The following METTL22 variants were observed in gnomAD, a reference collection of about 807,000 sequenced individuals.
METTL22 encodes methyltransferase-like protein 22.
In METTL22, 51 loss-of-function variants were observed where a neutral mutation model predicts 48.4. That is an observed-to-expected ratio of 1.05 (90% CI 0.84 to 1.33). METTL22 has a LOEUF of 1.33. METTL22 is among the 40% of genes most tolerant of loss of function. The probability of loss-of-function intolerance (pLI) is 0.00; values close to 1 mark genes in which losing one functional copy is unlikely to be tolerated. For missense variants in METTL22, 678 were observed against 526.9 expected (o/e 1.29, Z -2.81); for synonymous variants, 255 against 214.1 (o/e 1.19, Z -1.67).
intron 9 of METTL22, 84 bp from the exon 10 acceptor site, chr16:8,644,473 G>T: frequency 7.3e-7 from 1 of 1,375,758 alleles, no homozygotes; most frequent in Admixed American, 2.2e-5. Flanking sequence ...GATCAGTGAG[G>T]GATAGGAAAG....
At chr16:8,628,502 C>T (rs902285281) in intron 2 of METTL22, among the ~76,000 whole-genome samples, 3 of 151,878 alleles carry the variant, frequency 2.0e-5, no homozygotes, top group African/African-American at 4.8e-5. Flanking sequence ...GAGCCAAGTG[C>T]CTCATAGATT....
the METTL22 span, among the ~76,000 whole-genome samples, chr16:8,661,540 G>A: frequency 2.9e-5 from 4 of 139,906 alleles, no homozygotes; most frequent in Admixed American, 7.4e-5. Context: ...CAGCTACTGC[G>A]GAGGCTGAGG....
intron 2 of METTL22, among the ~76,000 whole-genome samples, chr16:8,628,369 C>T (rs554804212): frequency 1.3e-5 from 2 of 152,300 alleles, no homozygotes; most frequent in Non-Finnish European, 2.9e-5. Flanking sequence ...GGCCCCTGAG[C>T]TCATTCCTAA....
At chr16:8,664,453 A>T in the METTL22 span, among the ~76,000 whole-genome samples, 1 of 151,034 alleles carries the variant, frequency 6.6e-6, no homozygotes, top group Non-Finnish European at 1.5e-5. Flanking sequence ...CCTACATTTT[A>T]TTTATGTATT....
At chr16:8,624,801 G>T (rs2055988149) in intron 1 of METTL22, among the ~76,000 whole-genome samples, 1 of 152,150 alleles carries the variant, frequency 6.6e-6, no homozygotes, top group South Asian at 2.1e-4. Context: ...TGAGGCTGCA[G>T]TGAGCCATGA....
At chr16:8,665,149 T>A in the METTL22 span, among the ~76,000 whole-genome samples, 5,722 of 27,962 alleles carry the variant, frequency 0.2, 352 homozygotes, top group African/African-American at 0.3. Flanking sequence ...ACAAAAAAAG[T>A]AATAATAATA....
At chr16:8,630,711 G>A (rs1471411032) in intron 3 of METTL22, among the ~76,000 whole-genome samples, 2 of 152,162 alleles carry the variant, frequency 1.3e-5, no homozygotes, top group Non-Finnish European at 2.9e-5. Context: ...GCTGGCCTGT[G>A]ACCAGCTTCC....
chr16:8,643,866 G>A (rs954776148), intron 9 of METTL22, among the ~76,000 whole-genome samples: 9 of 152,038 alleles, frequency 5.9e-5, no homozygotes, highest in Admixed American at 1.3e-4. Context: ...TGCCCTCCTC[G>A]GCCTCCCACA....
intron 5 of METTL22, 95 bp downstream of exon 5, chr16:8,635,407 G>A (rs2056394311): frequency 2.8e-6 from 4 of 1,403,736 alleles, no homozygotes; most frequent in Non-Finnish European, 3.8e-6. Context: ...CTGGAAATTG[G>A]ATGTTAGCTG....
chr16:8,625,879 G>A, intron 2 of METTL22, 81 bp downstream of exon 2: 2 of 1,546,384 alleles, frequency 1.3e-6, no homozygotes, highest in Non-Finnish European at 1.8e-6. Flanking sequence ...GGAAAATATT[G>A]GGAAGACTGG....
chr16:8,658,380 A>G, the METTL22 span, among the ~76,000 whole-genome samples: 1 of 152,210 alleles, frequency 6.6e-6, no homozygotes, highest in African/African-American at 2.4e-5. Flanking sequence ...ATTTGTTACC[A>G]AAGCAAACTC....
intron 8 of METTL22, 80 bp from the exon 9 acceptor site, chr16:8,642,383 C>G: frequency 7.3e-7 from 1 of 1,371,600 alleles, no homozygotes; most frequent in Non-Finnish European, 1.0e-6. Flanking sequence ...AGCATTCTCT[C>G]TGTGCGGATT....
At chr16:8,640,461 T>C (rs1457213452) in intron 6 of METTL22, among the ~76,000 whole-genome samples, 2 of 149,282 alleles carry the variant, frequency 1.3e-5, no homozygotes, top group Admixed American at 6.7e-5. Context: ...CCCTGACACG[T>C]AGCACTCAAA....
At chr16:8,659,012 A>G in the METTL22 span, among the ~76,000 whole-genome samples, 146,039 of 151,968 alleles carry the variant, frequency 0.96, 70,308 homozygotes, top group East Asian at 1. Flanking sequence ...AGCCTTCCCC[A>G]GTGTCCACAG....
intron 7 of METTL22, 22 bp downstream of exon 7, chr16:8,641,206 C>T: frequency 6.2e-7 from 1 of 1,612,872 alleles, no homozygotes; most frequent in South Asian, 1.1e-5. Context: ...TCTCGGACGT[C>T]CCCCAGTATG....
intron 3 of METTL22, among the ~76,000 whole-genome samples, chr16:8,630,541 G>A (rs1216119628): frequency 1.3e-5 from 2 of 152,096 alleles, no homozygotes; most frequent in Admixed American, 1.3e-4. Flanking sequence ...TCTCAGGGGG[G>A]CCGACGATGG....
intron 7 of METTL22, 168 bp downstream of exon 7, chr16:8,641,352 C>G: frequency 1.4e-6 from 1 of 719,378 alleles, no homozygotes; most frequent in Non-Finnish European, 2.5e-6. Context: ...AGCTGTCATT[C>G]TCTGAGCGCC....
chr16:8,623,234 C>G (rs922803769), intron 1 of METTL22, among the ~76,000 whole-genome samples: 1 of 151,636 alleles, frequency 6.6e-6, no homozygotes, highest in Non-Finnish European at 1.5e-5. Flanking sequence ...TCACTTGAGC[C>G]CAGGAGGCGG....
Position 8,646,230 on chromosome 16 carries a change from G to C in METTL22, c.*87G>C, listed in dbSNP as rs2056797151. 2 of 1,533,458 alleles carry C rather than the reference G, an allele frequency of 1.3e-6. No individual in the cohort carries two copies. The highest frequency in any genetic ancestry group is 1.7e-4 in the Middle Eastern group (1 of 5,896). The allele number at this position is 1,533,458 out of a possible 1,614,324, so 95.0% of individuals were successfully genotyped here. A position where few individuals can be genotyped will look rare whatever the true frequency, so the allele number is the denominator to read the frequency against. Reference sequence around the variant, plus strand: ...AGAAGCTCACCAAAGCAACATGCTTGAGATTTTGTCATTTTAAAAATATGG... The same window carrying C: ...AGAAGCTCACCAAAGCAACATGCTTCAGATTTTGTCATTTTAAAAATATGG... On this transcript the variant is annotated 3_prime_UTR_variant, in exon 11 of 11. Coordinates refer to ENST00000381920, the MANE Select transcript of METTL22 (RefSeq NM_024109.4).
Sources: gnomAD v4.1 joint callset for allele counts (sites outside exome capture counted in the v4.1 genomes callset) on GRCh38, gnomAD v4.1.1 for gene constraint, MANE v1.5 for transcripts, NCBI Gene and HGNC (gene_info 2026-07-23, HGNC 2026-07-21) for gene names.